Variants in B4GALT4 observed in about 807,000 individuals in gnomAD.
The protein encoded by B4GALT4 is N-acetyllactosamine synthase.
B4GALT4 carries 27 observed loss-of-function variants against 37.3 expected under a neutral mutation model. The observed-to-expected ratio is 0.72, with a 90% CI of 0.53 to 1.00. The LOEUF (loss-of-function observed/expected upper bound fraction) is 1.00, where lower values mean the gene tolerates loss of function less well. Ranked by LOEUF, B4GALT4 falls within the 50% of genes least tolerant of loss-of-function variation. The pLI is 0.00. For missense variants in B4GALT4, 372 were observed against 413.1 expected (o/e 0.90, Z 0.86); for synonymous variants, 148 against 154.1 (o/e 0.96, Z 0.29).
At chr3:119,231,806 TA>T (rs1559932876) in intron 2 of B4GALT4, among the ~76,000 whole-genome samples, 3 of 145,580 alleles carry the variant, frequency 2.1e-5, no homozygotes, top group Admixed American at 6.8e-5. Flanking sequence ...AAATATAAAA[TA>T]ATATATTTTA....
Position 119,212,491 on chromosome 3 carries a change from G to T in B4GALT4, c.*58C>A. Reference sequence around the variant, plus strand: ...GTGTGCTACTATTTGAAGTCTCTAGGCCAAAATTATTGCAAACAAAGAATC... The same window carrying T: ...GTGTGCTACTATTTGAAGTCTCTAGTCCAAAATTATTGCAAACAAAGAATC... On this transcript the variant is annotated 3_prime_UTR_variant, in exon 8 of 8. Transcript: ENST00000393765. The T allele has an allele frequency of 6.6e-7, 1 of 1,522,752 alleles. No homozygotes were observed. 94.3% of individuals were successfully genotyped at this position (1,522,752 alleles called of 1,614,324 possible).
At position 119,229,844 on chromosome 3, in the gene B4GALT4, T is replaced by C; in HGVS notation, c.253+3A>G. The C allele has an allele frequency of 1.9e-6, 3 of 1,613,314 alleles. No homozygotes were observed. Among genetic ancestry groups the C allele is most frequent in the Non-Finnish European group, 2.5e-6 (3 of 1,179,474 alleles). ...TTAATCAAAGGAAAAAAGCAACACT[T>C]ACTGAGGTAAGGAGACACAGAAGGG... On this transcript the variant is annotated splice_donor_region_variant and intron_variant, in intron 3 of 7. Transcript: ENST00000393765.
chr3:119,212,450 G>C lies in B4GALT4; in HGVS notation c.*99C>G. On this transcript the variant is annotated 3_prime_UTR_variant, in exon 8 of 8. Transcript: ENST00000393765. ...GAAAAATTCAGCTCAACAATGAGCT[G>C]TAACAGGTTCTTAATGTGTGCTACT... 8.0e-7 allele frequency: 1 copy of C among 1,251,128 alleles called. No homozygotes were observed. The highest frequency in any genetic ancestry group is 1.1e-6 in the Non-Finnish European group (1 of 899,094). 77.5% of individuals were successfully genotyped at this position (1,251,128 alleles called of 1,614,324 possible).
intron 1 of B4GALT4, chr3:119,239,997 TA>T (rs34414900): frequency 0.3 from 42,818 of 140,788 alleles, 6,715 homozygotes; most frequent in African/African-American, 0.41. Context: ...TTTAAAAATT[TA>T]AAAAAAAAAA....
At chr3:119,236,515 C>A (rs2078991077) in intron 2 of B4GALT4, among the ~76,000 whole-genome samples, 1 of 152,138 alleles carries the variant, frequency 6.6e-6, no homozygotes, top group South Asian at 2.1e-4. Flanking sequence ...CTAGGTATAA[C>A]CTGAGTCAAC....
chr3:119,213,812 A>G (rs2078222015), intron 7 of B4GALT4: 1 of 152,244 alleles, frequency 6.6e-6, no homozygotes, highest in Non-Finnish European at 1.5e-5. Context: ...TTTTAACATA[A>G]AGAGAAAAAT....
intron 2 of B4GALT4, 127 bp from the exon 3 acceptor site, chr3:119,230,371 T>C (rs1424705679): frequency 6.9e-6 from 3 of 436,140 alleles, no homozygotes; most frequent in South Asian, 6.1e-5. Flanking sequence ...GGTCTTCCAC[T>C]TAGCATTTAG....
chr3:119,218,588 C>G lies in B4GALT4; in HGVS notation c.797+62G>C, dbSNP rs1018449236. 3.9e-5 allele frequency: 62 copies of G among 1,602,618 alleles called. No individual in the cohort carries two copies. In the Admixed American group the frequency reaches 3.9e-4, roughly 10 times the overall value. ...GCATCTAAAGGAATAAATATAAATG[C>G]AGGTCTCCAGAGCCACACTGAGTGC... On this transcript the variant is annotated intron_variant, in intron 6 of 7. Transcript: ENST00000393765.
At chr3:119,227,537 T>C (rs1485148445) in intron 3 of B4GALT4, among the ~76,000 whole-genome samples, 1 of 152,062 alleles carries the variant, frequency 6.6e-6, no homozygotes, top group East Asian at 1.9e-4. Context: ...AGCAAAGCAC[T>C]AAAAAGAAGT....
At chr3:119,218,836 C>T in intron 5 of B4GALT4, 64 bp from the exon 6 acceptor site, 3 of 1,592,256 alleles carry the variant, frequency 1.9e-6, no homozygotes, top group Non-Finnish European at 2.6e-6. Flanking sequence ...GATTTCAGGG[C>T]TGGCGTTCTA....
intron 7 of B4GALT4, chr3:119,212,885 CG>C: frequency 5.9e-6 from 3 of 511,740 alleles, no homozygotes; most frequent in Non-Finnish European, 1.0e-5. Context: ...CGTGAGAACC[CG>C]GGGACCCATG....
chr3:119,231,726 ATTT>A (rs1328704355), intron 2 of B4GALT4, among the ~76,000 whole-genome samples: 5 of 145,984 alleles, frequency 3.4e-5, no homozygotes, highest in Non-Finnish European at 7.5e-5. Flanking sequence ...ATTTTTAATA[ATTT>A]TTATTTTTAT....
intron 3 of B4GALT4, among the ~76,000 whole-genome samples, chr3:119,229,571 G>A (rs2078743334): frequency 6.6e-6 from 1 of 152,174 alleles, no homozygotes; most frequent in African/African-American, 2.4e-5. Flanking sequence ...AAAGAAACAT[G>A]GGAGTTCCTA....
At position 119,226,888 on chromosome 3, in the gene B4GALT4, T is replaced by TAGAAA. The variant is rs2078636542; in HGVS notation, c.406_407insTTTCT (p.His136LeufsTer4). On this transcript the variant is annotated frameshift_variant, in exon 4 of 8. Transcript: ENST00000393765. LOFTEE classifies it high-confidence loss of function. The stretch of plus-strand genomic sequence containing the variant: ...CAGATGTTCCAGCAGGTACATCAGG[T>TAGAAA]GTTTCTCTCTGTTCCGGTGGGGAAC... The TAGAAA allele has an allele frequency of 1.2e-6, 2 of 1,614,090 alleles. No homozygotes were observed. Among genetic ancestry groups the TAGAAA allele is most frequent in the East Asian group, 4.5e-5 (2 of 44,878 alleles).
intron 6 of B4GALT4, among the ~76,000 whole-genome samples, chr3:119,217,828 G>A (rs67180858): frequency 0.25 from 33,764 of 136,374 alleles, 4,497 homozygotes; most frequent in Middle Eastern, 0.37. Context: ...GGGTGACAGA[G>A]CGAGACTTTG....
chr3:119,227,584 G>C (rs764385238), intron 3 of B4GALT4, among the ~76,000 whole-genome samples: 5 of 152,138 alleles, frequency 3.3e-5, no homozygotes, highest in Non-Finnish European at 5.9e-5. Flanking sequence ...GCTGTAACAG[G>C]TATGTGTGGC....
At chr3:119,225,897 CTATA>C (rs72351818) in intron 4 of B4GALT4, among the ~76,000 whole-genome samples, 12,920 of 152,140 alleles carry the variant, frequency 0.085, 625 homozygotes, top group South Asian at 0.13. Flanking sequence ...CATAGGTGTG[CTATA>C]TAAGCACACT....
chr3:119,239,728 G>C (rs990270175), intron 1 of B4GALT4, among the ~76,000 whole-genome samples: 3 of 152,132 alleles, frequency 2.0e-5, no homozygotes, highest in African/African-American at 4.8e-5. Context: ...ATAGGTAGAC[G>C]AAAGTTATTG....
At position 119,216,245 on chromosome 3, in the gene B4GALT4, T is replaced by C. The variant is rs1373706676; in HGVS notation, c.897A>G (p.Ala299=). Residue 299 remains alanine (A), a synonymous_variant, in exon 7 of 8, where the codon GCA becomes GCG. Coordinates refer to ENST00000393765, the MANE Select transcript of B4GALT4 (RefSeq NM_003778.4). ...HTRDKGNEVN[A]ERMKLLHQVS... ...CAGGTGAAGCCAGGACTTACCGTTC[T>C]GCGTTCACCTCATTGCCTTTGTCTC... 3.7e-6 allele frequency: 6 copies of C among 1,610,910 alleles called. No individual in the cohort carries two copies. Among genetic ancestry groups the C allele is most frequent in the South Asian group, 1.1e-5 (1 of 90,434 alleles).
Sources: gnomAD v4.1 joint callset for allele counts (sites outside exome capture counted in the v4.1 genomes callset) on GRCh38, gnomAD v4.1.1 for gene constraint, MANE v1.5 for transcripts, NCBI Gene and HGNC (gene_info 2026-07-23, HGNC 2026-07-21) for gene names.